The following KLRG1 variants were observed in gnomAD, a reference collection of about 807,000 sequenced individuals.
The protein encoded by KLRG1 is killer cell lectin-like receptor subfamily G member 1.
KLRG1 carries 16 observed loss-of-function variants against 21.8 expected under a neutral mutation model. The ratio of observed to expected loss-of-function variants is 0.73; its 90% CI spans 0.50 to 1.11. KLRG1 has a LOEUF of 1.11. Ranked by LOEUF, KLRG1 falls within the 50% of genes most tolerant of loss-of-function variation. The pLI is 0.00. For synonymous variants in KLRG1, 69 were observed against 75.9 expected (o/e 0.91, Z 0.47); for missense variants, 173 against 218.3 (o/e 0.79, Z 1.31).
At chr12:8,951,116 T>C (rs982057949) in intron 1 of KLRG1, among the ~76,000 whole-genome samples, 1 of 152,102 alleles carries the variant, frequency 6.6e-6, no homozygotes, top group Non-Finnish European at 1.5e-5. Context: ...AAAACAAAAA[T>C]CATACATAAA....
At chr12:9,186,475 G>A in the KLRG1 span, among the ~76,000 whole-genome samples, 1 of 152,134 alleles carries the variant, frequency 6.6e-6, no homozygotes, top group Non-Finnish European at 1.5e-5. Flanking sequence ...AGATGAAGAA[G>A]CAAGACTCAG....
chr12:8,971,067 T>G (rs1946559017), intron 1 of KLRG1: 3 of 152,166 alleles, frequency 2.0e-5, no homozygotes, highest in Admixed American at 1.3e-4. Flanking sequence ...TTTCTTGCAA[T>G]TTTTTGTCAG....
chr12:8,964,385 A>C (rs1946429922), intron 1 of KLRG1, among the ~76,000 whole-genome samples: 1 of 152,206 alleles, frequency 6.6e-6, no homozygotes, highest in South Asian at 2.1e-4. Context: ...GTTTGATTGC[A>C]CTGTGGTCTG....
the KLRG1 span, among the ~76,000 whole-genome samples, chr12:9,104,083 C>T: frequency 6.6e-6 from 1 of 152,218 alleles, no homozygotes; most frequent in Non-Finnish European, 1.5e-5. Context: ...GCCTTCTTTT[C>T]ATAAACTTTA....
chr12:8,956,973 A>G (rs898010770), intron 1 of KLRG1, among the ~76,000 whole-genome samples: 10 of 152,142 alleles, frequency 6.6e-5, no homozygotes, highest in African/African-American at 2.4e-4. Flanking sequence ...GCCAAGAGCC[A>G]AGCACAGCCT....
chr12:9,056,889 G>C, the KLRG1 span, among the ~76,000 whole-genome samples: 1 of 152,146 alleles, frequency 6.6e-6, no homozygotes, highest in Admixed American at 6.5e-5. Flanking sequence ...CAACGCTATA[G>C]TTCTCACCCC....
chr12:9,051,821 G>T, the KLRG1 span, among the ~76,000 whole-genome samples: 1 of 152,110 alleles, frequency 6.6e-6, no homozygotes, highest in East Asian at 1.9e-4. Context: ...TTTAGCATAG[G>T]CCCCAATTGA....
chr12:8,979,018 C>G (rs1170347405), intron 1 of KLRG1, among the ~76,000 whole-genome samples: 1 of 127,998 alleles, frequency 7.8e-6, no homozygotes, highest in Admixed American at 8.0e-5. Context: ...CCTGGCCTGT[C>G]TTTTTTTTTT....
chr12:9,112,199 ACACGAAATTT>A, the KLRG1 span: 2 of 1,613,870 alleles, frequency 1.2e-6, no homozygotes, highest in Non-Finnish European at 1.7e-6. Flanking sequence ...CATGGAGACA[ACACGAAATTT>A]CACTGAAACA....
chr12:9,093,435 T>C, the KLRG1 span: 1 of 1,469,258 alleles, frequency 6.8e-7, no homozygotes, highest in African/African-American at 1.4e-5. Context: ...CCTCTATTGT[T>C]GCATATTGCA....
chr12:9,037,739 GTTTAGATACA>G, the KLRG1 span, among the ~76,000 whole-genome samples: 1 of 152,018 alleles, frequency 6.6e-6, no homozygotes, highest in Non-Finnish European at 1.5e-5. Flanking sequence ...CCTTTTCTAT[GTTTAGATACA>G]TTTAGATACA....
the KLRG1 span, chr12:9,099,303 T>C: frequency 7.2e-7 from 1 of 1,397,590 alleles, no homozygotes; most frequent in Non-Finnish European, 9.9e-7. Context: ...GCCCTAATGT[T>C]CACATGTGTA....
the KLRG1 span, among the ~76,000 whole-genome samples, chr12:9,107,999 C>T: frequency 6.6e-6 from 1 of 152,090 alleles, no homozygotes. Flanking sequence ...AACCCAAACG[C>T]CCTCAAGTCT....
chr12:9,101,304 T>G, the KLRG1 span: 1 of 1,381,324 alleles, frequency 7.2e-7, no homozygotes, highest in East Asian at 2.5e-5. Context: ...CTGCCGGCAA[T>G]AATTCACCTC....
the KLRG1 span, chr12:9,069,190 A>T: frequency 1.3e-5 from 2 of 152,908 alleles, no homozygotes; most frequent in South Asian, 1.9e-4. Flanking sequence ...ACTTGCGTAG[A>T]CTCAAAGAGG....
At chr12:9,000,757 T>TAGA (rs1947282728) in intron 3 of KLRG1, among the ~76,000 whole-genome samples, 1 of 152,260 alleles carries the variant, frequency 6.6e-6, no homozygotes, top group African/African-American at 2.4e-5. Context: ...TTTGTCCATT[T>TAGA]ATTCATCAGT....
upstream of KLRG1, among the ~76,000 whole-genome samples, chr12:8,986,880 G>A (rs1192578580): frequency 6.6e-6 from 1 of 152,058 alleles, no homozygotes; most frequent in Non-Finnish European, 1.5e-5. Flanking sequence ...CACAAGACCT[G>A]GTTGTTTAAA....
At chr12:9,082,649 T>C in the KLRG1 span, among the ~76,000 whole-genome samples, 3 of 152,130 alleles carry the variant, frequency 2.0e-5, no homozygotes, top group African/African-American at 7.2e-5. Context: ...TTATGAAGAA[T>C]CAAGGAATGA....
At chr12:9,059,293 A>G in the KLRG1 span, among the ~76,000 whole-genome samples, 1 of 152,326 alleles carries the variant, frequency 6.6e-6, no homozygotes, top group African/African-American at 2.4e-5. Context: ...CTGAAATGTC[A>G]TTTGACAGTT....
Sources: allele counts gnomAD v4.1 joint callset (sites outside exome capture counted in the v4.1 genomes callset), GRCh38; gene constraint gnomAD v4.1.1; transcripts MANE v1.5; gene names NCBI Gene and HGNC (gene_info 2026-07-23, HGNC 2026-07-21).